RAP1GAP2: variants seen among roughly 807,000 people sequenced by gnomAD.
RAP1GAP2 encodes the protein RAP1 GTPase activating protein 2.
A neutral mutation model predicts 95.0 loss-of-function variants in RAP1GAP2; 27 were observed. The ratio of observed to expected loss-of-function variants is 0.28; its 90% confidence interval spans 0.21 to 0.39. The LOEUF is 0.39. Among genes scored for constraint, RAP1GAP2 ranks in the 10% least tolerant of loss-of-function variants. The pLI is 1.00. For synonymous variants in RAP1GAP2, 373 were observed against 380.9 expected (o/e 0.98, Z 0.24); for missense variants, 771 against 970.0 (o/e 0.79, Z 2.72).
chr17:2,920,116 T>C (rs2042708258), intron 3 of RAP1GAP2, among the ~76,000 whole-genome samples: 1 of 151,604 alleles, frequency 6.6e-6, no homozygotes, highest in Non-Finnish European at 1.5e-5. Context: ...GCAACTGTCC[T>C]ACCTCAGCCT....
chr17:2,854,210 A>T, intron 2 of RAP1GAP2: 1 of 932,976 alleles, frequency 1.1e-6, no homozygotes, highest in Non-Finnish European at 1.3e-6. Flanking sequence ...GGTTAGAAAA[A>T]AGCCTCCTCT....
At chr17:2,804,589 C>T (rs1049676461) in intron 2 of RAP1GAP2, among the ~76,000 whole-genome samples, 8 of 152,320 alleles carry the variant, frequency 5.3e-5, no homozygotes, top group Admixed American at 1.3e-4. Context: ...AATGCACCTC[C>T]GCCTCCACGA....
intron 2 of RAP1GAP2, among the ~76,000 whole-genome samples, chr17:2,826,255 C>A (rs2070558616): frequency 1.3e-5 from 2 of 150,416 alleles, no homozygotes; most frequent in African/African-American, 4.9e-5. Context: ...TCGGCCTCCC[C>A]AAGTGCTGGG....
rs1459982739 is a variant in RAP1GAP2, at chr17:2,902,910, A to G, written c.81-2374A>G. On this transcript the variant is annotated intron_variant, in intron 2 of 24. Transcript: ENST00000254695. The surrounding 1 kb of genome is among the most constrained non-coding windows in gnomAD (Gnocchi z 4.1). The stretch of plus-strand genomic sequence containing the variant: ...TAATCATATGTGCCCTGGTGCCATG[A>G]GCGTGGACACCTTGTGCCTGATGGG... 2.0e-5 allele frequency among the ~76,000 whole-genome samples: 3 copies of G among 152,146 alleles called. No homozygotes were observed. The highest frequency in any genetic ancestry group is 1.5e-5 in the Non-Finnish European group (1 of 68,036).
At position 2,903,218 on chromosome 17, in the gene RAP1GAP2, G is replaced by A. The variant is rs761547269; in HGVS notation, c.81-2066G>A. ...CACCATGGGCCCGAAGAGGACCTGAGGGTGATGCCCTCCTGCTTGATCATT... is the reference window on the plus strand; with the variant it reads ...CACCATGGGCCCGAAGAGGACCTGAAGGTGATGCCCTCCTGCTTGATCATT... On this transcript the variant is annotated intron_variant, in intron 2 of 24. Transcript: ENST00000254695. This position sits in a 1 kb window ranked among gnomAD's most constrained non-coding sequence, Gnocchi z 4.1. Among the ~76,000 whole-genome samples, 1 of 152,162 alleles carries A rather than the reference G, an allele frequency of 6.6e-6. No homozygotes were observed. The highest frequency in any genetic ancestry group is 2.4e-5 in the African/African-American group (1 of 41,452).
intron 14 of RAP1GAP2, 63 bp downstream of exon 14, chr17:2,998,439 G>C: frequency 6.4e-7 from 1 of 1,565,128 alleles, no homozygotes; most frequent in Non-Finnish European, 8.8e-7. Context: ...TGTGGATGCT[G>C]TGATATCAGA....
At chr17:2,961,785 T>C (rs1398808860) in intron 4 of RAP1GAP2, among the ~76,000 whole-genome samples, 1 of 152,048 alleles carries the variant, frequency 6.6e-6, no homozygotes, top group Non-Finnish European at 1.5e-5. Flanking sequence ...GCCTCCTGCC[T>C]GTCCCTTGAA....
chr17:2,823,425 A>T (rs1323715766), intron 2 of RAP1GAP2, among the ~76,000 whole-genome samples: 1 of 152,192 alleles, frequency 6.6e-6, no homozygotes, highest in Non-Finnish European at 1.5e-5. Flanking sequence ...TTGAGAAAGA[A>T]AAACTGTTAG....
intron 1 of RAP1GAP2, among the ~76,000 whole-genome samples, chr17:2,780,048 C>T (rs1424099468): frequency 6.6e-6 from 1 of 152,032 alleles, no homozygotes; most frequent in African/African-American, 2.4e-5. Flanking sequence ...CATCCACAAG[C>T]CTCCTCGTTC....
chr17:2,820,275 G>C (rs986493023), intron 2 of RAP1GAP2, among the ~76,000 whole-genome samples: 5 of 152,104 alleles, frequency 3.3e-5, no homozygotes, highest in Admixed American at 1.3e-4. Context: ...GGGGTACCTA[G>C]AGGTGGGGCT....
chr17:3,014,055 G>A (rs2151629566), intron 17 of RAP1GAP2, among the ~76,000 whole-genome samples: 1 of 151,556 alleles, frequency 6.6e-6, no homozygotes, highest in East Asian at 1.9e-4. Flanking sequence ...TACGTCCTAC[G>A]ACACACGTCG....
At chr17:2,922,164 G>A (rs4790385) in intron 3 of RAP1GAP2, among the ~76,000 whole-genome samples, 75,525 of 152,088 alleles carry the variant, frequency 0.5, 20,832 homozygotes, top group African/African-American at 0.74. Context: ...GAAGGCCCAC[G>A]TTCTGCGTCT....
rs774113389 is a variant in RAP1GAP2 at position 3,027,077 on chromosome 17, G to T, written c.2107+7G>T. On this transcript the variant is annotated splice_region_variant and intron_variant, in intron 22 of 24. Transcript: ENST00000254695. This position sits in a 1 kb window ranked among gnomAD's most constrained non-coding sequence, Gnocchi z 5.2. The stretch of plus-strand genomic sequence containing the variant: ...ATGAGCCGGAGTCCCACAGGTCAGT[G>T]GCATCTGGTGGTGTGTGTGACGTCA... 2 of 1,571,830 alleles carry T rather than the reference G, an allele frequency of 1.3e-6. No homozygotes were observed. Among genetic ancestry groups the T allele is most frequent in the Non-Finnish European group, 1.7e-6 (2 of 1,158,660 alleles).
chr17:2,961,415 C>G (rs1293740386), intron 4 of RAP1GAP2, among the ~76,000 whole-genome samples: 3 of 145,378 alleles, frequency 2.1e-5, no homozygotes, highest in Non-Finnish European at 4.5e-5. Flanking sequence ...CTCGGGAGGC[C>G]GAGGCAGGAG....
intron 2 of RAP1GAP2, among the ~76,000 whole-genome samples, chr17:2,834,950 C>G (rs1055093447): frequency 6.6e-6 from 1 of 152,044 alleles, no homozygotes; most frequent in African/African-American, 2.4e-5. Context: ...GATGGAGTCT[C>G]GCTCTGTTGC....
intron 2 of RAP1GAP2, among the ~76,000 whole-genome samples, chr17:2,868,048 C>T (rs1199457416): frequency 6.6e-6 from 1 of 152,170 alleles, no homozygotes; most frequent in African/African-American, 2.4e-5. Context: ...GAGAGGACAG[C>T]CTGGCTTTGC....
At chr17:2,941,269 G>A (rs553811065) in intron 3 of RAP1GAP2, among the ~76,000 whole-genome samples, 36 of 152,230 alleles carry the variant, frequency 2.4e-4, no homozygotes, top group Non-Finnish European at 4.9e-4. Context: ...GGGCATGGTG[G>A]CACGTGCTTG....
chr17:2,800,945 G>A (rs1355433769), intron 2 of RAP1GAP2, among the ~76,000 whole-genome samples: 4 of 150,162 alleles, frequency 2.7e-5, no homozygotes, highest in Middle Eastern at 7.0e-3. Context: ...CACCTTCCAG[G>A]TTCAAGTGAA....
chr17:2,961,225 AAAG>A (rs2151481443), intron 4 of RAP1GAP2, among the ~76,000 whole-genome samples: 1 of 145,012 alleles, frequency 6.9e-6, no homozygotes, highest in South Asian at 2.2e-4. Flanking sequence ...CTCAAAAAAA[AAAG>A]AAGAGGCTGG....
Sources: gnomAD v4.1 joint callset for allele counts (sites outside exome capture counted in the v4.1 genomes callset) on GRCh38, gnomAD v4.1.1 for gene constraint, Gnocchi (gnomAD v3.1) non-coding constraint, MANE v1.5 for transcripts, NCBI Gene and HGNC (gene_info 2026-07-23, HGNC 2026-07-21) for gene names.